CTNNA2: variants seen among roughly 807,000 people sequenced by gnomAD.
The protein encoded by CTNNA2 is catenin alpha-2.
A neutral mutation model predicts 101.0 loss-of-function variants in CTNNA2; 42 were observed. The observed-to-expected ratio is 0.42, with a 90% CI of 0.32 to 0.54. The LOEUF (loss-of-function observed/expected upper bound fraction) is 0.54, where lower values mean the gene tolerates loss of function less well. Among genes scored for constraint, CTNNA2 ranks in the 20% least tolerant of loss-of-function variants. The pLI is 0.14. For synonymous variants in CTNNA2, 450 were observed against 456.4 expected (o/e 0.99, Z 0.18); for missense variants, 871 against 1,223.1 (o/e 0.71, Z 4.29).
chr2:79,409,046 T>C (rs375604885), intron 4 of CTNNA2, among the ~76,000 whole-genome samples: 13 of 152,038 alleles, frequency 8.6e-5, no homozygotes, highest in East Asian at 1.9e-4. Flanking sequence ...TCTCTGATGG[T>C]CAGTGATGGT....
rs567683361 is a variant in CTNNA2 at position 79,667,461 on chromosome 2, A to G, written c.102+15803A>G. Among the ~76,000 whole-genome samples the G allele has an allele frequency of 2.6e-5, 4 of 152,296 alleles. 1 individual carries two copies. The South Asian group carries it at 8.3e-4, about 32-fold the overall frequency. ...GGTTCTTTTTTGCTCTTTAGCATGTATTTGGAGTTCTTTTGAATAAATGGT... is the reference window on the plus strand; with the variant it reads ...GGTTCTTTTTTGCTCTTTAGCATGTGTTTGGAGTTCTTTTGAATAAATGGT... On this transcript the variant is annotated intron_variant, in intron 2 of 18. Transcript: ENST00000402739.
chr2:79,391,883 G>A (rs544961678), intron 4 of CTNNA2, among the ~76,000 whole-genome samples: 3 of 152,218 alleles, frequency 2.0e-5, no homozygotes, highest in South Asian at 2.1e-4. Context: ...CAAAGGATTG[G>A]TTTCTCCTGA....
At chr2:79,977,869 C>G (rs757016417) in intron 7 of CTNNA2, among the ~76,000 whole-genome samples, 31 of 152,044 alleles carry the variant, frequency 2.0e-4, no homozygotes, top group Admixed American at 7.9e-4. Flanking sequence ...ATATCCTTCT[C>G]AGCCTCAATT....
chr2:79,288,792 T>A (rs1450461660), intron 2 of CTNNA2, among the ~76,000 whole-genome samples: 1 of 152,178 alleles, frequency 6.6e-6, no homozygotes, highest in East Asian at 1.9e-4. Flanking sequence ...AATCACAGGG[T>A]TTGCCATATT....
intron 4 of CTNNA2, among the ~76,000 whole-genome samples, chr2:79,485,711 G>A (rs991704659): frequency 6.6e-6 from 1 of 152,178 alleles, no homozygotes; most frequent in African/African-American, 2.4e-5. Flanking sequence ...TATCAATGAA[G>A]TAGGAAAATT....
rs571295829 is a variant in CTNNA2, at chr2:80,246,906, G to T, written c.1057-146305G>T. On this transcript the variant is annotated intron_variant, in intron 7 of 18. Transcript: ENST00000402739. Reference sequence around the variant, plus strand: ...GTCTAAGATAAGAATCAAGGCCTATGGTACCTTAGTATGTCCTTGGAAATA... The same window carrying T: ...GTCTAAGATAAGAATCAAGGCCTATTGTACCTTAGTATGTCCTTGGAAATA... Among the ~76,000 whole-genome samples, 5 of 152,234 alleles carry T rather than the reference G, an allele frequency of 3.3e-5. No homozygotes were observed. In the South Asian group the frequency reaches 1.0e-3, roughly 32 times the overall value.
At chr2:80,289,365 T>A (rs760274840) in intron 7 of CTNNA2, among the ~76,000 whole-genome samples, 13 of 152,216 alleles carry the variant, frequency 8.5e-5, no homozygotes, top group Non-Finnish European at 1.9e-4. Flanking sequence ...TACTAATTAT[T>A]CTGCAATATT....
In CTNNA2 at chr2:79,858,187, T is replaced by C. The variant is rs1375408957; in HGVS notation, c.465+8T>C. 2.5e-6 allele frequency: 4 copies of C among 1,601,424 alleles called. No individual in the cohort carries two copies. In the South Asian group the frequency reaches 3.3e-5, roughly 13 times the overall value. On this transcript the variant is annotated splice_region_variant and intron_variant, in intron 4 of 18. Transcript: ENST00000402739. Reference sequence around the variant, plus strand: ...TTATCCCATCTGAAAATTGTACGTATGTAGAACTTATCAAAACTTTCTTTA... The same window carrying C: ...TTATCCCATCTGAAAATTGTACGTACGTAGAACTTATCAAAACTTTCTTTA...
chr2:80,108,851 C>T (rs1311893779), intron 7 of CTNNA2, among the ~76,000 whole-genome samples: 2 of 152,292 alleles, frequency 1.3e-5, no homozygotes, highest in African/African-American at 2.4e-5. Flanking sequence ...TTTGTTTACA[C>T]ACTTTATGAG....
intron 7 of CTNNA2, among the ~76,000 whole-genome samples, chr2:80,169,042 A>G (rs1704878488): frequency 1.3e-5 from 2 of 152,202 alleles, no homozygotes; most frequent in African/African-American, 4.8e-5. Context: ...TCCATGGGCC[A>G]CGGGGCCTGA....
chr2:80,104,319 C>G (rs1198838058), intron 7 of CTNNA2, among the ~76,000 whole-genome samples: 1 of 152,154 alleles, frequency 6.6e-6, no homozygotes, highest in Non-Finnish European at 1.5e-5. Context: ...AGACTCCTGT[C>G]CCAAAGGCAG....
At chr2:79,420,818 C>A (rs1335203581) in intron 4 of CTNNA2, among the ~76,000 whole-genome samples, 1 of 151,984 alleles carries the variant, frequency 6.6e-6, no homozygotes, top group African/African-American at 2.4e-5. Flanking sequence ...ATCTATAGAC[C>A]AAGTATAACA....
At chr2:79,981,690 G>A (rs549681555) in intron 7 of CTNNA2, among the ~76,000 whole-genome samples, 2 of 152,168 alleles carry the variant, frequency 1.3e-5, no homozygotes, top group African/African-American at 2.4e-5. Context: ...ATAATGTAAA[G>A]CAATTTTATC....
At chr2:79,572,673 A>AC (rs1558740082) in intron 1 of CTNNA2, among the ~76,000 whole-genome samples, 6 of 152,158 alleles carry the variant, frequency 3.9e-5, no homozygotes. Context: ...AATCACTTGA[A>AC]CCTAAGAGGT....
chr2:80,329,438 T>G (rs1268639192), intron 7 of CTNNA2, among the ~76,000 whole-genome samples: 1 of 152,176 alleles, frequency 6.6e-6, no homozygotes, highest in Non-Finnish European at 1.5e-5. Context: ...TCTCTCTTAA[T>G]GAATGGAAAG....
chr2:79,277,730 C>G (rs938710499), intron 2 of CTNNA2, among the ~76,000 whole-genome samples: 1 of 152,086 alleles, frequency 6.6e-6, no homozygotes, highest in African/African-American at 2.4e-5. Context: ...AACTTACACT[C>G]TTCTGTAATG....
At chr2:79,834,739 C>A (rs1184852378) in intron 3 of CTNNA2, among the ~76,000 whole-genome samples, 2 of 143,102 alleles carry the variant, frequency 1.4e-5, no homozygotes, top group East Asian at 2.0e-4. Flanking sequence ...TTGCATTGAT[C>A]TTTATTGTAT....
intron 1 of CTNNA2, among the ~76,000 whole-genome samples, chr2:79,546,008 GTACCA>G (rs1203300380): frequency 6.6e-6 from 1 of 152,164 alleles, no homozygotes; most frequent in Non-Finnish European, 1.5e-5. Flanking sequence ...GAGAAGCTAA[GTACCA>G]TACCCAAGAT....
rs931637182 is a variant in CTNNA2 at position 79,925,616 on chromosome 2, T to G, written c.1056+15819T>G. Reference sequence around the variant, plus strand: ...AAGCAAAATTTGTTTTGCTTTTAATTTAGTTAATTTATTAGTTTTGATGCT... The same window carrying G: ...AAGCAAAATTTGTTTTGCTTTTAATGTAGTTAATTTATTAGTTTTGATGCT... On this transcript the variant is annotated intron_variant, in intron 7 of 18. Transcript: ENST00000402739. 2.6e-5 allele frequency among the ~76,000 whole-genome samples: 4 copies of G among 152,068 alleles called. No individual in the cohort carries two copies. The South Asian group carries it at 8.3e-4, about 32-fold the overall frequency.
Sources: allele counts gnomAD v4.1 joint callset (sites outside exome capture counted in the v4.1 genomes callset), GRCh38; gene constraint gnomAD v4.1.1; transcripts MANE v1.5; gene names NCBI Gene and HGNC (gene_info 2026-07-23, HGNC 2026-07-21).